INPP5A: variants seen among roughly 807,000 people sequenced by gnomAD.
INPP5A encodes 43 kDa inositol polyphosphate 5-phophatase.
A neutral mutation model predicts 65.2 loss-of-function variants in INPP5A; 14 were observed. The observed-to-expected ratio is 0.21, with a 90% CI of 0.14 to 0.34. INPP5A has a LOEUF of 0.34. Ranked by LOEUF, INPP5A falls within the 10% of genes least tolerant of loss-of-function variation. The probability of loss-of-function intolerance (pLI) is 1.00; values close to 1 mark genes in which losing one functional copy is unlikely to be tolerated. For synonymous variants in INPP5A, 207 were observed against 208.3 expected (o/e 0.99, Z 0.05); for missense variants, 431 against 545.6 (o/e 0.79, Z 2.09).
chr10:132,738,560 G>C (rs187902604), intron 9 of INPP5A, among the ~76,000 whole-genome samples: 67 of 152,232 alleles, frequency 4.4e-4, no homozygotes, highest in Admixed American at 2.0e-3. Flanking sequence ...GCCCGGCATG[G>C]TGCTAGACAC....
rs1590896919 is a variant in INPP5A, at chr10:132,652,818, T to TGCATGTCAGGGTGCCCTCAGAAC, written c.306+2314_306+2315insCATGTCAGGGTGCCCTCAGAACG. 3.3e-5 allele frequency among the ~76,000 whole-genome samples: 5 copies of TGCATGTCAGGGTGCCCTCAGAAC among 152,374 alleles called. No homozygotes were observed. The East Asian group carries it at 9.6e-4, about 29-fold the overall frequency. On this transcript the variant is annotated intron_variant, in intron 4 of 15. Transcript: ENST00000368594. ...CTCAGAACGAGCGTGTTGTCGGGGC[T>TGCATGTCAGGGTGCCCTCAGAAC]GAGAGCGGTCATTTCACGATGATAA...
At position 132,770,808 on chromosome 10, in the gene INPP5A, G is replaced by A. The variant is rs942762077; in HGVS notation, c.977+4962G>A. 7.9e-5 allele frequency among the ~76,000 whole-genome samples: 12 copies of A among 152,228 alleles called. 1 individual carries two copies. The highest frequency in any genetic ancestry group is 1.3e-4 in the Admixed American group (2 of 15,284). On this transcript the variant is annotated intron_variant, in intron 12 of 15. Transcript: ENST00000368594. ...TCTGGGAGCCGCACACACAGGTCCC[G>A]GGAAATCCCAGCCACCCAGGGTGTG...
At position 132,545,046 on chromosome 10, in the gene INPP5A, G is replaced by A. The variant is rs1455258268; in HGVS notation, c.75+6875G>A. On this transcript the variant is annotated intron_variant, in intron 1 of 15. Coordinates refer to ENST00000368594, the MANE Select transcript of INPP5A (RefSeq NM_005539.5). The surrounding 1 kb of genome is among the most constrained non-coding windows in gnomAD (Gnocchi z 4.6). ...AATGTCTGCACGTAGGCGTGGTCAC[G>A]TCCGTCCCTGTTGCCTGCGCTGCTC... is the stretch of plus-strand genomic sequence containing the variant. 1.3e-5 allele frequency among the ~76,000 whole-genome samples: 2 copies of A among 152,142 alleles called. No homozygotes were observed. Among genetic ancestry groups the A allele is most frequent in the Admixed American group, 1.3e-4 (2 of 15,278 alleles).
At chr10:132,671,695 A>ATAC (rs370994046) in intron 4 of INPP5A, among the ~76,000 whole-genome samples, 119 of 152,310 alleles carry the variant, frequency 7.8e-4, no homozygotes, top group African/African-American at 2.7e-3. Flanking sequence ...GAGCTTCCTG[A>ATAC]TACTGTTTCA....
At chr10:132,552,903 A>G (rs2071074330) in intron 1 of INPP5A, among the ~76,000 whole-genome samples, 1 of 123,158 alleles carries the variant, frequency 8.1e-6, no homozygotes, top group Non-Finnish European at 1.7e-5. Context: ...ATTGGGTAGG[A>G]TAGGGAGGGA....
Position 132,645,320 on chromosome 10 carries a change from C to G in INPP5A, c.118-548C>G, listed in dbSNP as rs540500610. Among the ~76,000 whole-genome samples, 3 of 152,350 alleles carry G rather than the reference C, an allele frequency of 2.0e-5. No individual in the cohort carries two copies. In the South Asian group the frequency reaches 6.2e-4, roughly 32 times the overall value. ...GTGAGTTGCTGCTGTGTGTCGGCGT[C>G]CTCCCAGGCTGTGAGCAGGCGGCGG... On this transcript the variant is annotated intron_variant, in intron 2 of 15. Coordinates refer to ENST00000368594, the MANE Select transcript of INPP5A (RefSeq NM_005539.5).
At chr10:132,664,963 G>T (rs375769105) in intron 4 of INPP5A, among the ~76,000 whole-genome samples, 3 of 152,136 alleles carry the variant, frequency 2.0e-5, no homozygotes, top group African/African-American at 7.2e-5. Flanking sequence ...AGGTTTTCCC[G>T]TTGCAACTGA....
At chr10:132,729,356 A>G (rs1846041841) in intron 9 of INPP5A, among the ~76,000 whole-genome samples, 1 of 152,164 alleles carries the variant, frequency 6.6e-6, no homozygotes, top group African/African-American at 2.4e-5. Context: ...GGTCACTGTC[A>G]GCAGTGTTTT....
intron 1 of INPP5A, among the ~76,000 whole-genome samples, chr10:132,596,838 T>C (rs2071697436): frequency 7.1e-6 from 1 of 141,008 alleles, no homozygotes; most frequent in Admixed American, 7.0e-5. Context: ...CTTGTGTGCG[T>C]GTGTGCATGC....
At chr10:132,747,956 G>A (rs1030299666) in intron 9 of INPP5A, among the ~76,000 whole-genome samples, 1 of 152,128 alleles carries the variant, frequency 6.6e-6, no homozygotes, top group Non-Finnish European at 1.5e-5. Context: ...GGGCTGAGGT[G>A]GGAGAATCAC....
rs2072938367 is a variant in INPP5A, at chr10:132,674,584, C to G, written c.307-15808C>G. On this transcript the variant is annotated intron_variant, in intron 4 of 15. Transcript: ENST00000368594. This position sits in a 1 kb window ranked among gnomAD's most constrained non-coding sequence, Gnocchi z 4.4. ...AAGGGAGGGTGGCGGGAGTGGAGAC[C>G]ATGGGCATTTGAGCCACGTCGTCAT... Among the ~76,000 whole-genome samples the G allele has an allele frequency of 6.6e-6, 1 of 152,160 alleles. No homozygotes were observed. Among genetic ancestry groups the G allele is most frequent in the Non-Finnish European group, 1.5e-5 (1 of 68,034 alleles).
At chr10:132,625,192 C>A (rs1590876066) in intron 2 of INPP5A, among the ~76,000 whole-genome samples, 1 of 149,588 alleles carries the variant, frequency 6.7e-6, no homozygotes, top group Admixed American at 6.7e-5. Flanking sequence ...CACAGGCCAC[C>A]GCTCCCTCTG....
chr10:132,681,502 G>A (rs150499775), intron 4 of INPP5A, among the ~76,000 whole-genome samples: 2,188 of 152,242 alleles, frequency 0.014, 20 homozygotes, highest in Middle Eastern at 0.051. Context: ...CGGACACGCC[G>A]CCTTTAAGAA....
chr10:132,596,288 G>A (rs2071686675), intron 1 of INPP5A, among the ~76,000 whole-genome samples: 1 of 152,160 alleles, frequency 6.6e-6, no homozygotes, highest in African/African-American at 2.4e-5. Context: ...AGGATGAATG[G>A]CCCTCAATTA....
intron 1 of INPP5A, among the ~76,000 whole-genome samples, chr10:132,577,818 C>T (rs2071428409): frequency 6.6e-6 from 1 of 152,196 alleles, no homozygotes; most frequent in African/African-American, 2.4e-5. Flanking sequence ...CTCTCTCGCC[C>T]ATGGGCGCTG....
At chr10:132,766,545 C>G (rs1047417391) in intron 12 of INPP5A, among the ~76,000 whole-genome samples, 5 of 152,122 alleles carry the variant, frequency 3.3e-5, no homozygotes, top group African/African-American at 1.2e-4. Flanking sequence ...GCGTGCGTCA[C>G]ACAGTTGTGG....
At position 132,707,329 on chromosome 10, in the gene INPP5A, C is replaced by G. The variant is rs111810493; in HGVS notation, c.475-984C>G. On this transcript the variant is annotated intron_variant, in intron 6 of 15. Coordinates refer to ENST00000368594, the MANE Select transcript of INPP5A (RefSeq NM_005539.5). The surrounding 1 kb of genome is among the most constrained non-coding windows in gnomAD (Gnocchi z 5.5). ...GGCGGTGCCCTGCCCTGTTGGCTGC[C>G]GTTCCCCCGCCACTGCCTGAAGCGC... 6.7e-6 allele frequency among the ~76,000 whole-genome samples: 1 copy of G among 149,086 alleles called. No individual in the cohort carries two copies. The highest frequency in any genetic ancestry group is 2.2e-4 in the East Asian group (1 of 4,550).
intron 8 of INPP5A, among the ~76,000 whole-genome samples, chr10:132,715,622 T>G (rs540146712): frequency 2.6e-4 from 39 of 152,344 alleles, no homozygotes; most frequent in Admixed American, 2.4e-3. Flanking sequence ...ATGTTTCTCT[T>G]TAGACGTTCC....
chr10:132,757,524 G>A (rs539861486), intron 11 of INPP5A, among the ~76,000 whole-genome samples: 29 of 152,362 alleles, frequency 1.9e-4, no homozygotes, highest in Admixed American at 1.2e-3. Flanking sequence ...GGCGTGGAGC[G>A]TACACGCGCT....
Sources: allele counts gnomAD v4.1 joint callset (sites outside exome capture counted in the v4.1 genomes callset), GRCh38; gene constraint gnomAD v4.1.1; non-coding constraint Gnocchi (gnomAD v3.1); transcripts MANE v1.5; gene names NCBI Gene and HGNC (gene_info 2026-07-23, HGNC 2026-07-21).